Variants in MAGI2 observed in about 807,000 individuals in gnomAD.
MAGI2 encodes membrane associated guanylate kinase, WW and PDZ domain containing 2.
A neutral mutation model predicts 133.3 loss-of-function variants in MAGI2; 35 were observed. The ratio of observed to expected loss-of-function variants is 0.26; its 90% CI spans 0.20 to 0.35. The LOEUF is 0.35. Among genes scored for constraint, MAGI2 ranks in the 10% least tolerant of loss-of-function variants. MAGI2 has a pLI of 1.00. For synonymous variants in MAGI2, 729 were observed against 710.6 expected, an observed-to-expected ratio of 1.03 and a Z score of -0.41; for missense variants, 1,636 against 1,863.4, an observed-to-expected ratio of 0.88 and a Z score of 2.25.
chr7:78,349,027 T>G (rs1418237868), intron 7 of MAGI2, among the ~76,000 whole-genome samples: 1 of 152,202 alleles, frequency 6.6e-6, no homozygotes, highest in Non-Finnish European at 1.5e-5. Context: ...CCTTTCCAAA[T>G]TTTGAATAAA....
At chr7:79,163,908 C>A (rs553904369) in intron 1 of MAGI2, among the ~76,000 whole-genome samples, 6 of 152,180 alleles carry the variant, frequency 3.9e-5, no homozygotes, top group Non-Finnish European at 7.4e-5. Flanking sequence ...CAAAATACAT[C>A]TGATCCAGGA....
chr7:78,503,585 CCTCCTCCCCCTCCTCCTT>C (rs1343886199), intron 4 of MAGI2, among the ~76,000 whole-genome samples: 4 of 91,990 alleles, frequency 4.3e-5, no homozygotes, highest in Admixed American at 1.1e-4. Context: ...TCCCCCTCCT[CCTCCTCCCCCTCCTCCTT>C]CTCCCCCTCC....
At chr7:78,949,354 T>A (rs1232367762) in intron 2 of MAGI2, among the ~76,000 whole-genome samples, 2 of 152,150 alleles carry the variant, frequency 1.3e-5, no homozygotes, top group Non-Finnish European at 2.9e-5. Flanking sequence ...ATACAATTAA[T>A]ACCTGATCAA....
At chr7:78,975,216 G>A (rs1035843564) in intron 2 of MAGI2, among the ~76,000 whole-genome samples, 4 of 151,698 alleles carry the variant, frequency 2.6e-5, no homozygotes, top group Non-Finnish European at 5.9e-5. Flanking sequence ...CATCTAACAA[G>A]AGCAAGCGAT....
chr7:79,061,133 T>G (rs1813688144), intron 1 of MAGI2, among the ~76,000 whole-genome samples: 1 of 152,112 alleles, frequency 6.6e-6, no homozygotes, highest in Non-Finnish European at 1.5e-5. Context: ...AGTACTAACC[T>G]TACATTTTAG....
At chr7:78,742,772 C>A (rs560995353) in intron 2 of MAGI2, among the ~76,000 whole-genome samples, 3 of 152,262 alleles carry the variant, frequency 2.0e-5, no homozygotes, top group African/African-American at 7.2e-5. Context: ...TAGATAGTGA[C>A]TCAACTGATG....
intron 4 of MAGI2, chr7:78,518,625 C>G (rs979379942): frequency 2.0e-5 from 3 of 152,150 alleles, no homozygotes; most frequent in Admixed American, 1.3e-4. Context: ...AAATGTGCCT[C>G]ATTGATTATA....
intron 6 of MAGI2, among the ~76,000 whole-genome samples, chr7:78,376,728 C>G (rs1228348581): frequency 6.6e-6 from 1 of 152,020 alleles, no homozygotes; most frequent in Non-Finnish European, 1.5e-5. Flanking sequence ...AAGCCATGAA[C>G]TTTTGCAACA....
intron 6 of MAGI2, among the ~76,000 whole-genome samples, chr7:78,404,344 T>C (rs1247352151): frequency 2.0e-5 from 3 of 151,990 alleles, no homozygotes; most frequent in Non-Finnish European, 4.4e-5. Context: ...GAAGCAAAAA[T>C]GAGCCTGCAT....
rs112978153 is a variant in MAGI2, at chr7:79,021,529, T to C, written c.302-14323A>G. 9.8e-3 allele frequency among the ~76,000 whole-genome samples: 1,495 copies of C among 152,348 alleles called. 26 individuals are homozygous for C. Among genetic ancestry groups the C allele is most frequent in the African/African-American group, 0.034 (1,428 of 41,590 alleles). ...TTTTAGAACTTTAAGGTTTAATGAC[T>C]GCCCTATTGGATTTCAAGTTTGCAT... On this transcript the variant is annotated intron_variant, in intron 1 of 21. Transcript: ENST00000354212.
chr7:78,151,954 T>C (rs1218818086), intron 16 of MAGI2, among the ~76,000 whole-genome samples: 1 of 152,060 alleles, frequency 6.6e-6, no homozygotes, highest in African/African-American at 2.4e-5. Context: ...TGAAAATCCT[T>C]GAAAAAAACC....
chr7:78,877,983 A>G (rs1799026), intron 2 of MAGI2, among the ~76,000 whole-genome samples: 92,852 of 151,990 alleles, frequency 0.61, 29,685 homozygotes, highest in Middle Eastern at 0.75. Flanking sequence ...TTATATCCTC[A>G]AAATGAGGGC....
intron 2 of MAGI2, among the ~76,000 whole-genome samples, chr7:78,749,273 G>C (rs549007262): frequency 1.1e-4 from 16 of 152,214 alleles, no homozygotes; most frequent in African/African-American, 3.9e-4. Flanking sequence ...TCTAAGTAGA[G>C]GGAAAAGGTG....
intron 1 of MAGI2, among the ~76,000 whole-genome samples, chr7:79,060,696 G>A (rs6956003): frequency 0.56 from 85,543 of 151,902 alleles, 29,099 homozygotes; most frequent in Non-Finnish European, 0.76. Flanking sequence ...TAAAGCACGA[G>A]AATTAAGGTC....
At chr7:78,694,104 C>A (rs977307470) in intron 2 of MAGI2, among the ~76,000 whole-genome samples, 17 of 152,016 alleles carry the variant, frequency 1.1e-4, no homozygotes, top group Non-Finnish European at 2.5e-4. Context: ...AAACTGGGAG[C>A]CTCAGTTTCC....
At chr7:78,396,673 C>T (rs1190814476) in intron 6 of MAGI2, among the ~76,000 whole-genome samples, 1 of 152,074 alleles carries the variant, frequency 6.6e-6, no homozygotes, top group Admixed American at 6.6e-5. Flanking sequence ...TCACTTGAGA[C>T]TCATGGTACT....
Position 78,392,287 on chromosome 7 carries a change from C to T in MAGI2, c.1046-23074G>A, listed in dbSNP as rs113202728. Among the ~76,000 whole-genome samples the T allele has an allele frequency of 2.8e-3, 420 of 152,118 alleles. 4 individuals are homozygous for T. Among genetic ancestry groups the T allele is most frequent in the Non-Finnish European group, 4.1e-3 (282 of 68,016 alleles). On this transcript the variant is annotated intron_variant, in intron 6 of 21. Coordinates refer to ENST00000354212, the MANE Select transcript of MAGI2 (RefSeq NM_012301.4). ...TGTCTTCATGACTTTCATTGATTCT[C>T]AGGTAGAATCATGAAGAAGGCAAAA... is the stretch of plus-strand genomic sequence containing the variant.
intron 2 of MAGI2, among the ~76,000 whole-genome samples, chr7:78,921,256 G>C (rs1423418593): frequency 2.0e-5 from 3 of 152,088 alleles, no homozygotes; most frequent in Non-Finnish European, 4.4e-5. Context: ...TATGTAGTCT[G>C]TGTTTATGCT....
intron 3 of MAGI2, among the ~76,000 whole-genome samples, chr7:78,545,105 G>A (rs1419616839): frequency 6.6e-6 from 1 of 151,212 alleles, no homozygotes; most frequent in African/African-American, 2.4e-5. Flanking sequence ...CATTCCTTTT[G>A]AGTCCAATGT....
Sources: gnomAD v4.1 joint callset for allele counts (sites outside exome capture counted in the v4.1 genomes callset) on GRCh38, gnomAD v4.1.1 for gene constraint, MANE v1.5 for transcripts, NCBI Gene and HGNC (gene_info 2026-07-23, HGNC 2026-07-21) for gene names.